Variants in POMGNT2 observed in about 807,000 individuals in gnomAD.
The protein encoded by POMGNT2 is protein O-linked mannose N-acetylglucosaminyltransferase 2 (beta 1,4-).
A neutral mutation model predicts 37.8 loss-of-function variants in POMGNT2; 32 were observed. That is an observed-to-expected ratio of 0.85 (90% confidence interval 0.64 to 1.14). The LOEUF (loss-of-function observed/expected upper bound fraction) is 1.14. Among genes scored for constraint, POMGNT2 ranks in the 50% most tolerant of loss-of-function variants. The probability of loss-of-function intolerance (pLI) is 0.00; values close to 1 mark genes in which losing one functional copy is unlikely to be tolerated. For missense variants in POMGNT2, 705 were observed against 780.6 expected, an observed-to-expected ratio of 0.90 and a Z score of 1.15; for synonymous variants, 340 against 336.8, an observed-to-expected ratio of 1.01 and a Z score of -0.10.
intron 1 of POMGNT2, among the ~76,000 whole-genome samples, chr3:43,095,247 G>C (rs1168857580): frequency 6.6e-6 from 1 of 152,168 alleles, no homozygotes; most frequent in Non-Finnish European, 1.5e-5. Context: ...TGGAGGCATG[G>C]GCCTCCCAGG....
Position 43,105,976 on chromosome 3 carries a change from A to G in POMGNT2, c.-246T>C. 6.6e-6 allele frequency: 1 copy of G among 151,494 alleles called. No homozygotes were observed. Among genetic ancestry groups the G allele is most frequent in the East Asian group, 2.0e-4 (1 of 5,074 alleles). The allele number at this position is 151,494 out of a possible 1,614,324, so 9.4% of individuals were successfully genotyped here. A position where few individuals can be genotyped will look rare whatever the true frequency, so the allele number is the denominator to read the frequency against. On this transcript the variant is annotated 5_prime_UTR_variant, in exon 1 of 2. Transcript: ENST00000344697. ...GGCCCAGAAGGCCCAGGCAGCCAGCACAGGTTTGGCCGCGCCGCCGGGTTC... is the reference window on the plus strand; with the variant it reads ...GGCCCAGAAGGCCCAGGCAGCCAGCGCAGGTTTGGCCGCGCCGCCGGGTTC...
intron 1 of POMGNT2, among the ~76,000 whole-genome samples, chr3:43,093,936 T>C (rs937372494): frequency 1.3e-5 from 2 of 152,130 alleles, no homozygotes; most frequent in Admixed American, 6.5e-5. Flanking sequence ...AAAAAATAGA[T>C]CTAGTCCTGA....
At chr3:43,084,060 C>T (rs930856178) in intron 1 of POMGNT2, among the ~76,000 whole-genome samples, 5 of 152,168 alleles carry the variant, frequency 3.3e-5, no homozygotes, top group African/African-American at 1.2e-4. Flanking sequence ...CCTCCTCTGG[C>T]CTCTGTGACT....
intron 1 of POMGNT2, among the ~76,000 whole-genome samples, chr3:43,092,447 G>A (rs1183753772): frequency 6.6e-6 from 1 of 152,052 alleles, no homozygotes; most frequent in Non-Finnish European, 1.5e-5. Flanking sequence ...ATGGGCACGG[G>A]CCACCAGCCT....
chr3:43,080,465 G>A lies in POMGNT2; in HGVS notation c.967C>T (p.Leu323=), dbSNP rs1438414788. The change falls in exon 2 of 2, where the codon CTG becomes TTG. Residue 323 remains leucine, a synonymous_variant. Transcript: ENST00000344697. ...EFQMKTVTVS[L]EDHTFADVVR... ...ACATCAGCAAAGGTGTGGTCCTCCA[G>A]GGACACTGTCACTGTCTTCATCTGG... is the stretch of plus-strand genomic sequence containing the variant. 2 of 1,614,174 alleles carry A rather than the reference G, an allele frequency of 1.2e-6. No individual in the cohort carries two copies. The highest frequency in any genetic ancestry group is 1.7e-5 in the Admixed American group (1 of 60,026).
intron 1 of POMGNT2, among the ~76,000 whole-genome samples, chr3:43,100,242 CA>C (rs1029039855): frequency 2.6e-5 from 4 of 151,198 alleles, no homozygotes; most frequent in African/African-American, 4.9e-5. Flanking sequence ...CAAAAATATT[CA>C]AAAAAAACTT....
Position 43,080,948 on chromosome 3 carries a change from C to T in POMGNT2, c.484G>A (p.Asp162Asn), listed in dbSNP as rs201407522. ...VALIANRFNP[D>N]NLMHVFHDDL... ...TCATGAAAGACGTGCATGAGGTTGT[C>T]GGGGTTGAAGCGGTTGGCGATGAGG... The change falls in exon 2 of 2, where the codon GAC (aspartate) becomes AAC (asparagine). Residue 162 changes from aspartate to asparagine, a missense_variant. Coordinates refer to ENST00000344697, the MANE Select transcript of POMGNT2 (RefSeq NM_032806.6). 4.3e-5 allele frequency: 70 copies of T among 1,614,108 alleles called. No individual in the cohort carries two copies. The East Asian group carries it at 5.1e-4, about 12-fold the overall frequency.
intron 1 of POMGNT2, among the ~76,000 whole-genome samples, chr3:43,082,831 CA>C (rs1362546652): frequency 6.6e-6 from 1 of 152,146 alleles, no homozygotes; most frequent in Non-Finnish European, 1.5e-5. Flanking sequence ...GAGTCAGGGG[CA>C]AGGATTTGAA....
chr3:43,093,443 G>T (rs2089958482), intron 1 of POMGNT2, among the ~76,000 whole-genome samples: 1 of 152,204 alleles, frequency 6.6e-6, no homozygotes, highest in African/African-American at 2.4e-5. Flanking sequence ...ATGGAAGGCA[G>T]GACAGACTGG....
chr3:43,081,919 G>A (rs578004515), intron 1 of POMGNT2, among the ~76,000 whole-genome samples: 8 of 152,238 alleles, frequency 5.3e-5, no homozygotes, highest in Non-Finnish European at 1.2e-4. Flanking sequence ...CAAGAGGAGC[G>A]AGATACGCAT....
intron 1 of POMGNT2, among the ~76,000 whole-genome samples, chr3:43,083,763 C>T (rs1308241655): frequency 1.3e-5 from 2 of 152,178 alleles, no homozygotes; most frequent in Non-Finnish European, 2.9e-5. Context: ...ATGATTTCCT[C>T]AAGAGGGAAA....
rs149362578 is a variant in POMGNT2, at chr3:43,093,022, A to G, written c.-105-11486T>C. ...CAGGGAATATCAGCTAGAAGAGAGGAAAGACTTACCTCCAACATGAGTGGG... is the reference window on the plus strand; with the variant it reads ...CAGGGAATATCAGCTAGAAGAGAGGGAAGACTTACCTCCAACATGAGTGGG... On this transcript the variant is annotated intron_variant, in intron 1 of 1. Transcript: ENST00000344697. Among the ~76,000 whole-genome samples the G allele has an allele frequency of 4.1e-3, 625 of 152,356 alleles. 7 individuals carry two copies. Among genetic ancestry groups the G allele is most frequent in the African/African-American group, 0.014 (583 of 41,582 alleles).
intron 1 of POMGNT2, among the ~76,000 whole-genome samples, chr3:43,095,562 TG>T: frequency 6.6e-6 from 1 of 152,352 alleles, no homozygotes; most frequent in South Asian, 2.1e-4. Flanking sequence ...CATGCTTCAG[TG>T]CTTCTCGGCT....
intron 1 of POMGNT2, among the ~76,000 whole-genome samples, chr3:43,090,917 T>C (rs1575469233): frequency 6.6e-6 from 1 of 152,202 alleles, no homozygotes; most frequent in African/African-American, 2.4e-5. Context: ...GGACTGGCAG[T>C]TGTAAGAGGA....
Position 43,080,469 on chromosome 3 carries a change from C to T in POMGNT2, c.963G>A (p.Val321=), listed in dbSNP as rs1210374193. ...CAGCAAAGGTGTGGTCCTCCAGGGA[C>T]ACTGTCACTGTCTTCATCTGGAACT... ...AQEFQMKTVT[V]SLEDHTFADV... Residue 321 remains valine, a synonymous_variant, in exon 2 of 2, where the codon GTG becomes GTA. Coordinates refer to ENST00000344697, the MANE Select transcript of POMGNT2 (RefSeq NM_032806.6). The T allele has an allele frequency of 1.2e-6, 2 of 1,614,078 alleles. No individual in the cohort carries two copies. Among genetic ancestry groups the T allele is most frequent in the African/African-American group, 2.7e-5 (2 of 74,922 alleles).
At position 43,080,106 on chromosome 3, in the gene POMGNT2, C is replaced by G; in HGVS notation, c.1326G>C (p.Trp442Cys). ...PRHLCCRNPE[W>C]LFRIYQDTKV... ...TGGTGTCCTGGTAGATTCGGAAGAG[C>G]CACTCGGGGTTCCGGCAACAGAGAT... The change falls in exon 2 of 2, where the codon TGG (tryptophan) becomes TGC (cysteine). Residue 442 changes from tryptophan to cysteine, a missense_variant. Transcript: ENST00000344697. 6.2e-7 allele frequency: 1 copy of G among 1,613,854 alleles called. No individual in the cohort carries two copies. The highest frequency in any genetic ancestry group is 8.5e-7 in the Non-Finnish European group (1 of 1,179,982).
intron 1 of POMGNT2, among the ~76,000 whole-genome samples, chr3:43,091,745 T>C (rs1400082344): frequency 6.6e-6 from 1 of 152,260 alleles, no homozygotes; most frequent in Non-Finnish European, 1.5e-5. Context: ...ATTGACGTAA[T>C]GTACCCCTTT....
At position 43,079,941 on chromosome 3, in the gene POMGNT2, G is replaced by A; in HGVS notation, c.1491C>T (p.Ala497=). The A allele has an allele frequency of 6.2e-7, 1 of 1,614,016 alleles. No homozygotes were observed. Among genetic ancestry groups the A allele is most frequent in the South Asian group, 1.1e-5 (1 of 91,084 alleles). ...EARCQASVHG[A]SEARLTVSWQ... Reference sequence around the variant, plus strand: ...AGGAGACAGTGAGGCGGGCCTCGGAGGCGCCATGCACTGACGCCTGGCACC... The same window carrying A: ...AGGAGACAGTGAGGCGGGCCTCGGAAGCGCCATGCACTGACGCCTGGCACC... Residue 497 remains alanine, a synonymous_variant, in exon 2 of 2, where the codon GCC becomes GCT. Coordinates refer to ENST00000344697, the MANE Select transcript of POMGNT2 (RefSeq NM_032806.6).
At chr3:43,101,363 G>A (rs1242123239) in intron 1 of POMGNT2, among the ~76,000 whole-genome samples, 1 of 152,164 alleles carries the variant, frequency 6.6e-6, no homozygotes, top group Admixed American at 6.5e-5. Flanking sequence ...ACTTTGTAGG[G>A]CAGTGAGCCC....
Sources: allele counts gnomAD v4.1 joint callset (sites outside exome capture counted in the v4.1 genomes callset), GRCh38; gene constraint gnomAD v4.1.1; transcripts MANE v1.5; gene names NCBI Gene and HGNC (gene_info 2026-07-23, HGNC 2026-07-21).